The following PDE12 variants were observed in gnomAD, a reference collection of about 807,000 sequenced individuals.
PDE12 encodes 2',5'-phosphodiesterase 12.
A neutral mutation model predicts 45.4 loss-of-function variants in PDE12; 26 were observed. That is an observed-to-expected ratio of 0.57 (90% CI 0.42 to 0.79). PDE12 has a LOEUF of 0.79. PDE12 is among the 30% of genes least tolerant of loss of function. PDE12 has a pLI of 0.00. For synonymous variants in PDE12, 283 were observed against 323.9 expected (o/e 0.87, Z 1.36); for missense variants, 668 against 790.0 (o/e 0.85, Z 1.85).
At chr3:57,642,405 T>G in the PDE12 span, among the ~76,000 whole-genome samples, 1 of 151,406 alleles carries the variant, frequency 6.6e-6, no homozygotes, top group African/African-American at 2.4e-5. Flanking sequence ...GGAGGTAATA[T>G]TTACAGGAAG....
chr3:57,582,755 A>ACTAAC, the PDE12 span, among the ~76,000 whole-genome samples: 1 of 151,470 alleles, frequency 6.6e-6, no homozygotes, highest in Non-Finnish European at 1.5e-5. Context: ...AAAAAAAATT[A>ACTAAC]TTAAGTAATA....
In PDE12 at chr3:57,562,272, C is replaced by T. The variant is rs181580641; in HGVS notation, c.*2268C>T. On this transcript the variant is annotated 3_prime_UTR_variant, in exon 3 of 3. Coordinates refer to ENST00000311180, the MANE Select transcript of PDE12 (RefSeq NM_177966.7). ...TCAGAAAAACTCAGCACTTAACAGA[C>T]ATTCCATGTCCTATATCCTTAATTT... 278 of 196,388 alleles carry T rather than the reference C, an allele frequency of 1.4e-3. 1 individual carries two copies. The highest frequency in any genetic ancestry group is 3.3e-3 in the Admixed American group (51 of 15,328). The allele number at this position is 196,388 out of a possible 1,614,324, so 12.2% of individuals were successfully genotyped here. A position where few individuals can be genotyped will look rare whatever the true frequency, so the allele number is the denominator to read the frequency against.
the PDE12 span, among the ~76,000 whole-genome samples, chr3:57,604,403 A>G: frequency 2.6e-5 from 4 of 152,016 alleles, no homozygotes; most frequent in African/African-American, 7.3e-5. Context: ...TGTTAAATTC[A>G]TGTATCTATA....
chr3:57,584,102 C>G, the PDE12 span: 1 of 866,524 alleles, frequency 1.2e-6, no homozygotes, highest in Non-Finnish European at 1.8e-6. Flanking sequence ...TTTTAAAGTA[C>G]TTCTTTTTAT....
In PDE12 at chr3:57,561,027, A is replaced by G; in HGVS notation, c.*1023A>G. 2.0e-6 allele frequency: 2 copies of G among 975,972 alleles called. No homozygotes were observed. The highest frequency in any genetic ancestry group is 2.4e-6 in the Non-Finnish European group (2 of 820,932). The allele number at this position is 975,972 out of a possible 1,614,324, so 60.5% of individuals were successfully genotyped here. A position where few individuals can be genotyped will look rare whatever the true frequency, so the allele number is the denominator to read the frequency against. On this transcript the variant is annotated 3_prime_UTR_variant, in exon 3 of 3. Transcript: ENST00000311180. ...TAGTTTTTAGTGTATGGTACAAATGAACACAGTTTATATTCTAATTCTTAC... is the reference window on the plus strand; with the variant it reads ...TAGTTTTTAGTGTATGGTACAAATGGACACAGTTTATATTCTAATTCTTAC...
chr3:57,572,301 G>A, the PDE12 span: 1 of 1,606,052 alleles, frequency 6.2e-7, no homozygotes, highest in Non-Finnish European at 8.5e-7. Context: ...ACATACCACT[G>A]TAAAGAGAAG....
chr3:57,635,840 T>C, the PDE12 span, among the ~76,000 whole-genome samples: 3 of 152,200 alleles, frequency 2.0e-5, no homozygotes, highest in African/African-American at 7.2e-5. Context: ...ATGATTTTTT[T>C]TCCTGCCTCT....
At chr3:57,620,698 A>G in the PDE12 span, among the ~76,000 whole-genome samples, 1 of 152,200 alleles carries the variant, frequency 6.6e-6, no homozygotes, top group Non-Finnish European at 1.5e-5. Flanking sequence ...TTTTTGAAAA[A>G]TTGTAAATTT....
At chr3:57,567,582 T>C (rs758503244), downstream of PDE12, among the ~76,000 whole-genome samples, 3 of 152,222 alleles carry the variant, frequency 2.0e-5, no homozygotes, top group Non-Finnish European at 4.4e-5. Flanking sequence ...CCAAGTAACC[T>C]TCCAGTAGTG....
rs1575770882 is a variant in PDE12 at position 57,556,918 on chromosome 3, G to T, written c.539G>T (p.Cys180Phe). ...TACATCATGGCCGGGTTCCCTGTGT[G>T]CCCCAAACTCAGCCTCGAATTTGGG... Reference protein sequence around the residue: ...PRYIMAGFPVCPKLSLEFGDP... With the variant: ...PRYIMAGFPVFPKLSLEFGDP... Residue 180 changes from cysteine to phenylalanine, a missense_variant, in exon 1 of 3, where the codon TGC becomes TTC. By Grantham distance (205) the Cys-to-Phe change is radical (BLOSUM62 -2). Coordinates refer to ENST00000311180, the MANE Select transcript of PDE12 (RefSeq NM_177966.7). This position sits in a 1 kb window ranked among gnomAD's most constrained non-coding sequence, Gnocchi z 5.0. 1.1e-5 allele frequency: 17 copies of T among 1,614,066 alleles called. No homozygotes were observed. The East Asian group carries it at 3.8e-4, about 36-fold the overall frequency.
In PDE12 at chr3:57,562,089, T is replaced by C; in HGVS notation, c.*2085T>C. 1 of 982,876 alleles carries C rather than the reference T, an allele frequency of 1.0e-6. No homozygotes were observed. Among genetic ancestry groups the C allele is most frequent in the Non-Finnish European group, 1.2e-6 (1 of 827,650 alleles). The allele number at this position is 982,876 out of a possible 1,614,324, so 60.9% of individuals were successfully genotyped here. A position where few individuals can be genotyped will look rare whatever the true frequency, so the allele number is the denominator to read the frequency against. On this transcript the variant is annotated 3_prime_UTR_variant, in exon 3 of 3. Coordinates refer to ENST00000311180, the MANE Select transcript of PDE12 (RefSeq NM_177966.7). ...ATTTTAAAAATATGTTTTTGGGCTG[T>C]TTTCAAAGAAAGATGTTGATAGAAC...
chr3:57,626,944 G>A, the PDE12 span: 4 of 152,170 alleles, frequency 2.6e-5, no homozygotes, highest in Admixed American at 6.6e-5. Flanking sequence ...AAAATAAAAC[G>A]CTACCAAACA....
At chr3:57,573,015 ACG>A in the PDE12 span, among the ~76,000 whole-genome samples, 2 of 151,970 alleles carry the variant, frequency 1.3e-5, no homozygotes, top group South Asian at 4.2e-4. Context: ...TTCCTGGCTA[ACG>A]CAGTGAAACC....
the PDE12 span, chr3:57,645,800 AAAGGTCCTAATCTAT>A: frequency 7.0e-7 from 1 of 1,432,202 alleles, no homozygotes; most frequent in East Asian, 2.3e-5. Flanking sequence ...CACAGAAATT[AAAGGTCCTAATCTAT>A]AACTAGAAAA....
downstream of PDE12, among the ~76,000 whole-genome samples, chr3:57,569,736 A>G (rs1471457888): frequency 6.9e-6 from 1 of 144,600 alleles, no homozygotes; most frequent in African/African-American, 2.6e-5. Flanking sequence ...TGGGGCTGAG[A>G]TGGGAGGATC....
At chr3:57,577,422 T>A in the PDE12 span, 1 of 1,525,592 alleles carries the variant, frequency 6.6e-7, no homozygotes, top group Non-Finnish European at 9.1e-7. Flanking sequence ...TTTTAACAGT[T>A]AAACGACACT....
chr3:57,585,358 T>C, the PDE12 span, among the ~76,000 whole-genome samples: 1 of 152,206 alleles, frequency 6.6e-6, no homozygotes, highest in Non-Finnish European at 1.5e-5. Context: ...CTAATGAACT[T>C]AATGTAACTA....
chr3:57,654,222 C>T, the PDE12 span, among the ~76,000 whole-genome samples: 3,433 of 151,814 alleles, frequency 0.023, 75 homozygotes, highest in South Asian at 0.051. Flanking sequence ...CCCAAAGTGC[C>T]GGGATTACAG....
chr3:57,588,358 A>G, the PDE12 span, among the ~76,000 whole-genome samples: 1,995 of 152,252 alleles, frequency 0.013, 49 homozygotes, highest in African/African-American at 0.045. Context: ...TGAGCCCAGG[A>G]GTTTGAAACC....
Sources: allele counts gnomAD v4.1 joint callset (sites outside exome capture counted in the v4.1 genomes callset), GRCh38; gene constraint gnomAD v4.1.1; non-coding constraint Gnocchi (gnomAD v3.1); transcripts MANE v1.5; gene names NCBI Gene and HGNC (gene_info 2026-07-23, HGNC 2026-07-21).